KRT6A: variants seen among roughly 807,000 people sequenced by gnomAD.
The protein encoded by KRT6A is keratin 6A.
A neutral mutation model predicts 48.6 loss-of-function variants in KRT6A; 28 were observed. That is an observed-to-expected ratio of 0.58 (90% CI 0.43 to 0.79). The LOEUF (loss-of-function observed/expected upper bound fraction) is 0.79, where lower values mean the gene tolerates loss of function less well. Ranked by LOEUF, KRT6A falls within the 30% of genes least tolerant of loss-of-function variation. The probability of loss-of-function intolerance (pLI) is 0.00; values close to 1 mark genes in which losing one functional copy is unlikely to be tolerated. For missense variants in KRT6A, 687 were observed against 724.3 expected (o/e 0.95, Z 0.59); for synonymous variants, 301 against 294.2 (o/e 1.02, Z -0.24).
rs1053727 is a variant in KRT6A, at chr12:52,487,822, A to G, written c.1593T>C (p.Ser531=). The G allele has an allele frequency of 2.9e-5, 46 of 1,613,912 alleles. No individual in the cohort carries two copies. Among genetic ancestry groups the G allele is most frequent in the Non-Finnish European group, 3.7e-5 (44 of 1,179,908 alleles). The part of the protein sequence containing the change: ...LGVGGGFSSS[S]GRAIGGGLSS... ...TGAGGCCACCCCCAATGGCTCTGCC[A>G]CTGCTGGAACTGAAGCCACCTCCAA... Residue 531 remains serine, a synonymous_variant, in exon 9 of 9, where the codon AGT becomes AGC. Transcript: ENST00000330722.
At position 52,490,639 on chromosome 12, in the gene KRT6A, T is replaced by A. The variant is rs897435223; in HGVS notation, c.1007A>T (p.Glu336Val). The change falls in exon 5 of 9, where the codon GAG becomes GTG. Residue 336 changes from glutamate to valine, a missense_variant. Glu to Val is a moderately radical substitution (Grantham distance 121). This residue lies in a region of KRT6A where 566 missense variants were observed against 565.3 expected (regional missense o/e 1.00). Transcript: ENST00000330722. ...RNLDLDSIIAEVKAQYEEIAQ... is the reference protein window; with the variant it reads ...RNLDLDSIIAVVKAQYEEIAQ... Reference sequence around the variant, plus strand: ...AATCTCCTCATATTGGGCCTTGACCTCAGCGATGATGCTGTCCAGGTCCAG... The same window carrying A: ...AATCTCCTCATATTGGGCCTTGACCACAGCGATGATGCTGTCCAGGTCCAG... The A allele has an allele frequency of 6.2e-7, 1 of 1,614,082 alleles. No homozygotes were observed. The highest frequency in any genetic ancestry group is 1.3e-5 in the African/African-American group (1 of 74,924).
chr12:52,489,754 T>C (rs1592184796), intron 6 of KRT6A, 189 bp downstream of exon 6: 1 of 944,454 alleles, frequency 1.1e-6, no homozygotes, highest in East Asian at 2.7e-5. Context: ...GGTTCTCTCA[T>C]GTGTTTGTGT....
At position 52,487,973 on chromosome 12, in the gene KRT6A, C is replaced by T; in HGVS notation, c.1460-18G>A. 1 of 1,614,102 alleles carries T rather than the reference C, an allele frequency of 6.2e-7. No individual in the cohort carries two copies. Among genetic ancestry groups the T allele is most frequent in the Non-Finnish European group, 8.5e-7 (1 of 1,179,984 alleles). The stretch of plus-strand genomic sequence containing the variant: ...CACCACAGCTGTGATGGGGAGGGGA[C>T]AAGGACACAAGAAGCCATGGTGAGC... On this transcript the variant is annotated intron_variant, in intron 8 of 8. Coordinates refer to ENST00000330722, the MANE Select transcript of KRT6A (RefSeq NM_005554.4).
At position 52,488,387 on chromosome 12, in the gene KRT6A, C is replaced by T; in HGVS notation, c.1365G>A (p.Lys455=). 1 of 1,614,164 alleles carries T rather than the reference C, an allele frequency of 6.2e-7. No individual in the cohort carries two copies. The highest frequency in any genetic ancestry group is 8.5e-7 in the Non-Finnish European group (1 of 1,180,036). ...LKEYQELMNV[K]LALDVEIATY... is the part of the protein sequence containing the mutation. Reference sequence around the variant, plus strand: ...TGGCGATCTCCACGTCCAGGGCCAGCTTGACATTCATCAGCTCCTGGTACT... The same window carrying T: ...TGGCGATCTCCACGTCCAGGGCCAGTTTGACATTCATCAGCTCCTGGTACT... The change falls in exon 7 of 9, where the codon AAG becomes AAA. Residue 455 remains lysine (K), a synonymous_variant. Coordinates refer to ENST00000330722, the MANE Select transcript of KRT6A (RefSeq NM_005554.4).
At chr12:52,488,221 C>A (rs1938184404) in intron 7 of KRT6A, 107 bp downstream of exon 7, 1 of 1,613,092 alleles carries the variant, frequency 6.2e-7, no homozygotes, top group African/African-American at 1.3e-5. Flanking sequence ...AGTTTTCTCT[C>A]AGGAAGAGCA....
At position 52,488,442 on chromosome 12, in the gene KRT6A, G is replaced by T. The variant is rs1471626584; in HGVS notation, c.1310C>A (p.Ala437Asp). The change falls in exon 7 of 9, where the codon GCC becomes GAC. Residue 437 changes from alanine (A) to aspartate (D), a missense_variant. Ala to Asp is a moderately radical substitution (Grantham distance 126, BLOSUM62 -2). Coordinates refer to ENST00000330722, the MANE Select transcript of KRT6A (RefSeq NM_005554.4). ...LEGLEDALQKAKQDLARLLKE... is the reference protein window; with the variant it reads ...LEGLEDALQKDKQDLARLLKE... ...CAGCAGCCGGGCCAGGTCCTGCTTG[G>T]CCTTCTGCAGGGCATCCTCCAGCCC... 5.6e-6 allele frequency: 9 copies of T among 1,614,152 alleles called. No homozygotes were observed. The highest frequency in any genetic ancestry group is 7.6e-6 in the Non-Finnish European group (9 of 1,180,036).
At chr12:52,491,237 G>A in intron 2 of KRT6A, 65 bp from the exon 3 acceptor site, 2 of 1,609,026 alleles carry the variant, frequency 1.2e-6, no homozygotes, top group South Asian at 1.1e-5. Context: ...AAAGCAGCCT[G>A]GGATTCAACA....
At chr12:52,490,994 C>A (rs1381045144) in intron 3 of KRT6A, 41 bp from the exon 4 acceptor site, 2 of 1,613,888 alleles carry the variant, frequency 1.2e-6, no homozygotes, top group Non-Finnish European at 8.5e-7. Flanking sequence ...CTGAGCTCAC[C>A]TTTCCAATCT....
intron 6 of KRT6A, among the ~76,000 whole-genome samples, chr12:52,488,994 C>T (rs1423967144): frequency 6.6e-6 from 1 of 152,206 alleles, no homozygotes; most frequent in Non-Finnish European, 1.5e-5. Context: ...CCCTCAGAAT[C>T]TCTCATCTAC....
intron 7 of KRT6A, 21 bp downstream of exon 7, chr12:52,488,307 G>A (rs1224377648): frequency 6.2e-7 from 1 of 1,614,044 alleles, no homozygotes; most frequent in African/African-American, 1.3e-5. Flanking sequence ...GCTGTTGAAG[G>A]AGTTCGTGTC....
In KRT6A at chr12:52,490,008, C is replaced by T. The variant is rs777127235; in HGVS notation, c.1138G>A (p.Glu380Lys). 4 of 1,613,926 alleles carry T rather than the reference C, an allele frequency of 2.5e-6. No homozygotes were observed. Among genetic ancestry groups the T allele is most frequent in the Middle Eastern group, 1.6e-4 (1 of 6,084 alleles). Reference sequence around the variant, plus strand: ...ATCATGCGGTTGATCTCAGCAATCTCCTGCTTGGTGTTGCGCAGGTCGTCC... The same window carrying T: ...ATCATGCGGTTGATCTCAGCAATCTTCTGCTTGGTGTTGCGCAGGTCGTCC... ...HGDDLRNTKQ[E>K]IAEINRMIQR... Residue 380 changes from glutamate to lysine, a missense_variant, in exon 6 of 9, where the codon GAG becomes AAG. By Grantham distance (56) the Glu-to-Lys change is moderately conservative. Coordinates refer to ENST00000330722, the MANE Select transcript of KRT6A (RefSeq NM_005554.4).
In KRT6A at chr12:52,487,614, C is replaced by G; in HGVS notation, c.*106G>C. On this transcript the variant is annotated 3_prime_UTR_variant, in exon 9 of 9. Transcript: ENST00000330722. ...CATCCATACCCAGCTCTACCTGGGA[C>G]AGCAGGGGAGACTGGAGGCCAGGAG... 7.1e-7 allele frequency: 1 copy of G among 1,406,956 alleles called. No individual in the cohort carries two copies. Among genetic ancestry groups the G allele is most frequent in the South Asian group, 1.2e-5 (1 of 83,208 alleles). The allele number at this position is 1,406,956 out of a possible 1,614,324, so 87.2% of individuals were successfully genotyped here. A position where few individuals can be genotyped will look rare whatever the true frequency, so the allele number is the denominator to read the frequency against.
At position 52,491,577 on chromosome 12, in the gene KRT6A, G is replaced by A. The variant is rs370031805; in HGVS notation, c.700C>T (p.Arg234Cys). Reference sequence around the variant, plus strand: ...ATGCCTCTGAGCTCTGAGTCCAGGCGGCCCCGTTCCCCGACAATGCTGTCC... The same window carrying A: ...ATGCCTCTGAGCTCTGAGTCCAGGCAGCCCCGTTCCCCGACAATGCTGTCC... ...QLDSIVGERG[R>C]LDSELRGMQD... is the part of the protein sequence containing the mutation. The change falls in exon 2 of 9, where the codon CGC becomes TGC. Residue 234 changes from arginine to cysteine, a missense_variant. Physicochemically the swap from Arg to Cys is radical, Grantham distance 180. Coordinates refer to ENST00000330722, the MANE Select transcript of KRT6A (RefSeq NM_005554.4). 2.5e-5 allele frequency: 41 copies of A among 1,613,914 alleles called. No homozygotes were observed. The highest frequency in any genetic ancestry group is 1.6e-4 in the East Asian group (7 of 44,904).
intron 1 of KRT6A, among the ~76,000 whole-genome samples, chr12:52,492,092 T>C (rs1938277330): frequency 2.0e-5 from 3 of 152,250 alleles, no homozygotes; most frequent in African/African-American, 7.2e-5. Flanking sequence ...AGGACCTCAG[T>C]TAGAAGAGAT....
chr12:52,488,383 C>G lies in KRT6A; in HGVS notation c.1369G>C (p.Ala457Pro), dbSNP rs367788212. The change falls in exon 7 of 9, where the codon GCC (alanine) becomes CCC (proline). Residue 457 changes from alanine (A) to proline (P), a missense_variant. Transcript: ENST00000330722. ...EYQELMNVKL[A>P]LDVEIATYRK... The stretch of plus-strand genomic sequence containing the variant: ...TAGGTGGCGATCTCCACGTCCAGGG[C>G]CAGCTTGACATTCATCAGCTCCTGG... The G allele has an allele frequency of 1.2e-6, 2 of 1,614,142 alleles. No individual in the cohort carries two copies. The highest frequency in any genetic ancestry group is 2.2e-5 in the East Asian group (1 of 44,850).
intron 3 of KRT6A, 36 bp from the exon 4 acceptor site, chr12:52,490,989 C>A (rs1233107500): frequency 1.2e-6 from 2 of 1,613,756 alleles, no homozygotes; most frequent in Non-Finnish European, 1.7e-6. Flanking sequence ...GTTACCTGAG[C>A]TCACCTTTCC....
chr12:52,487,591 T>C lies in KRT6A; in HGVS notation c.*129A>G. 5 of 1,132,772 alleles carry C rather than the reference T, an allele frequency of 4.4e-6. No individual in the cohort carries two copies. Among genetic ancestry groups the C allele is most frequent in the Non-Finnish European group, 6.5e-6 (5 of 774,692 alleles). 70.2% of individuals were successfully genotyped at this position (1,132,772 alleles called of 1,614,324 possible). ...AGAGAAGAAGTGAGGGCACTAAGCA[T>C]CCATACCCAGCTCTACCTGGGACAG... On this transcript the variant is annotated 3_prime_UTR_variant, in exon 9 of 9. Transcript: ENST00000330722.
chr12:52,490,917 G>A lies in KRT6A; in HGVS notation c.853C>T (p.Gln285Ter), dbSNP rs1263825941. Residue 285 changes from glutamine (Q) to a stop codon, truncating the protein, a stop_gained, in exon 4 of 9, where the codon CAA becomes TAA. Transcript: ENST00000330722. LOFTEE classifies it high-confidence loss of function. ...DAAYMNKVELQAKADTLTDEI... is the reference protein window; with the variant it reads ...DAAYMNKVEL ...TCTGTGAGAGTGTCTGCCTTGGCTT[G>A]CAGTTCAACCTTGTTCATGTAGGCA... The A allele has an allele frequency of 1.9e-6, 3 of 1,613,982 alleles. No homozygotes were observed. Among genetic ancestry groups the A allele is most frequent in the Non-Finnish European group, 1.7e-6 (2 of 1,179,900 alleles).
At chr12:52,490,441 G>T in intron 5 of KRT6A, 128 bp downstream of exon 5, 10 of 1,456,604 alleles carry the variant, frequency 6.9e-6, no homozygotes, top group Non-Finnish European at 9.6e-6. Context: ...TACTCTAATA[G>T]TGCAGAGTGC....
Sources: gnomAD v4.1 joint callset for allele counts (sites outside exome capture counted in the v4.1 genomes callset) on GRCh38, gnomAD v4.1.1 for gene constraint, gnomAD v4.1.1 regional missense constraint, MANE v1.5 for transcripts, NCBI Gene and HGNC (gene_info 2026-07-23, HGNC 2026-07-21) for gene names.